Variants in AHCYL2 observed in about 807,000 individuals in gnomAD.
AHCYL2 encodes the protein S-adenosylhomocysteine hydrolase-like protein 2.
Under a neutral mutation model 81.4 loss-of-function variants are expected in AHCYL2, and 28 were observed. The ratio of observed to expected loss-of-function variants is 0.34; its 90% CI spans 0.25 to 0.47. AHCYL2 has a LOEUF of 0.47. AHCYL2 is among the 20% of genes least tolerant of loss of function. The pLI is 1.00. For missense variants in AHCYL2, 551 were observed against 785.1 expected (o/e 0.70, Z 3.56); for synonymous variants, 272 against 290.2 (o/e 0.94, Z 0.64).
At position 129,341,764 on chromosome 7, in the gene AHCYL2, G is replaced by A. The variant is rs1216300454; in HGVS notation, c.364-37874G>A. On this transcript the variant is annotated intron_variant, in intron 1 of 16. Transcript: ENST00000325006. Reference sequence around the variant, plus strand: ...TTCTTGTCGAATGCCTGTGAATTTCGAGGGTGGGAATAACACACTCATGGT... The same window carrying A: ...TTCTTGTCGAATGCCTGTGAATTTCAAGGGTGGGAATAACACACTCATGGT... 3.9e-5 allele frequency among the ~76,000 whole-genome samples: 6 copies of A among 152,242 alleles called. 1 individual carries two copies. Among genetic ancestry groups the A allele is most frequent in the Middle Eastern group, 6.8e-3 (2 of 294 alleles).
chr7:129,331,042 A>C (rs1798400347), intron 1 of AHCYL2, among the ~76,000 whole-genome samples: 2 of 152,238 alleles, frequency 1.3e-5, no homozygotes, highest in African/African-American at 4.8e-5. Context: ...TACATTATTT[A>C]CATAAAAATT....
intron 1 of AHCYL2, among the ~76,000 whole-genome samples, chr7:129,289,607 C>T (rs1796763754): frequency 6.6e-6 from 1 of 152,022 alleles, no homozygotes; most frequent in Admixed American, 6.6e-5. Context: ...TGTTCTTTCC[C>T]CTTGTTTACC....
At chr7:129,240,991 A>C (rs1415460835) in intron 1 of AHCYL2, among the ~76,000 whole-genome samples, 1 of 152,158 alleles carries the variant, frequency 6.6e-6, no homozygotes, top group African/African-American at 2.4e-5. Context: ...AAATTAAATG[A>C]TTTTTAAGCT....
Position 129,400,368 on chromosome 7 carries a change from G to A in AHCYL2, c.902G>A (p.Gly301Asp), listed in dbSNP as rs746810785. Residue 301 changes from glycine to aspartate, a missense_variant, in exon 6 of 17, where the codon GGC (glycine) becomes GAC (aspartate). Physicochemically the swap from Gly to Asp is moderately conservative, Grantham distance 94 (BLOSUM62 -1). Coordinates refer to ENST00000325006, the MANE Select transcript of AHCYL2 (RefSeq NM_015328.4). ...WCIDRCVNVEGWQPNMILDDG... is the reference protein window; with the variant it reads ...WCIDRCVNVEDWQPNMILDDG... ...ATCGATAGATGTGTGAATGTGGAGG[G>A]CTGGCAGCCAAACATGGTGGGTCAG... 1.9e-6 allele frequency: 3 copies of A among 1,612,928 alleles called. No individual in the cohort carries two copies. Among genetic ancestry groups the A allele is most frequent in the East Asian group, 2.2e-5 (1 of 44,864 alleles).
intron 1 of AHCYL2, among the ~76,000 whole-genome samples, chr7:129,362,266 T>C (rs1793955538): frequency 6.6e-6 from 1 of 152,184 alleles, no homozygotes; most frequent in African/African-American, 2.4e-5. Flanking sequence ...TATTCAACTT[T>C]AAAAGCCTAT....
intron 1 of AHCYL2, among the ~76,000 whole-genome samples, chr7:129,281,386 TTTC>T (rs1796438372): frequency 6.6e-6 from 1 of 152,124 alleles, no homozygotes; most frequent in Non-Finnish European, 1.5e-5. Flanking sequence ...GTAGGAAATG[TTTC>T]TTCTTTTCAG....
chr7:129,421,659 A>G (rs1797124141), intron 12 of AHCYL2, among the ~76,000 whole-genome samples: 1 of 152,250 alleles, frequency 6.6e-6, no homozygotes, highest in South Asian at 2.1e-4. Flanking sequence ...AACGGTCCAC[A>G]CCATTAATAT....
intron 1 of AHCYL2, among the ~76,000 whole-genome samples, chr7:129,371,574 C>T (rs1165530040): frequency 6.6e-6 from 1 of 152,242 alleles, no homozygotes; most frequent in African/African-American, 2.4e-5. Flanking sequence ...GACAGCTTTA[C>T]TGCTGAAAGG....
chr7:129,348,950 CCTAAGCTGTTTTG>C (rs1793455724), intron 1 of AHCYL2, among the ~76,000 whole-genome samples: 2 of 152,178 alleles, frequency 1.3e-5, no homozygotes, highest in Admixed American at 6.5e-5. Context: ...AACACACTAA[CCTAAGCTGTTTTG>C]CTATTTTATG....
At chr7:129,377,720 A>C (rs924904012) in intron 1 of AHCYL2, 10 of 410,344 alleles carry the variant, frequency 2.4e-5, no homozygotes, top group African/African-American at 1.9e-4. Flanking sequence ...GAGAAAACAA[A>C]AAAGTTATTA....
rs1796554178 is a variant in AHCYL2, at chr7:129,411,136, A to G, written c.1366+1590A>G. Among the ~76,000 whole-genome samples, 6 of 151,768 alleles carry G rather than the reference A, an allele frequency of 4.0e-5. No individual in the cohort carries two copies. In the South Asian group the frequency reaches 1.2e-3, roughly 32 times the overall value. ...TTCACTGCACATTTCACACATTTAA[A>G]TTGTTCACTGTTTTTTAGTAATTCA... On this transcript the variant is annotated intron_variant, in intron 11 of 16. Coordinates refer to ENST00000325006, the MANE Select transcript of AHCYL2 (RefSeq NM_015328.4).
At chr7:129,354,349 G>GT (rs925678767) in intron 1 of AHCYL2, among the ~76,000 whole-genome samples, 1 of 152,170 alleles carries the variant, frequency 6.6e-6, no homozygotes, top group Non-Finnish European at 1.5e-5. Context: ...AATGATTTTA[G>GT]TTTTTTCTGT....
chr7:129,360,698 G>C (rs1793903059), intron 1 of AHCYL2, among the ~76,000 whole-genome samples: 1 of 152,064 alleles, frequency 6.6e-6, no homozygotes, highest in African/African-American at 2.4e-5. Context: ...TATAAATTTT[G>C]AAAGACGTGT....
intron 4 of AHCYL2, among the ~76,000 whole-genome samples, chr7:129,395,430 T>C (rs529644789): frequency 3.1e-4 from 47 of 152,314 alleles, no homozygotes; most frequent in African/African-American, 9.9e-4. Flanking sequence ...AGCCAAACTT[T>C]GCCTTGAATC....
At chr7:129,240,156 G>A (rs1427074982) in intron 1 of AHCYL2, among the ~76,000 whole-genome samples, 2 of 151,798 alleles carry the variant, frequency 1.3e-5, no homozygotes, top group Non-Finnish European at 2.9e-5. Flanking sequence ...TGGAGGTTGC[G>A]GTGAGCCGAG....
intron 1 of AHCYL2, among the ~76,000 whole-genome samples, chr7:129,297,222 A>T (rs999531354): frequency 2.6e-5 from 4 of 152,128 alleles, no homozygotes; most frequent in Non-Finnish European, 4.4e-5. Flanking sequence ...CCAATTACAA[A>T]TTTTTTGTAG....
rs142329746 is a variant in AHCYL2, at chr7:129,312,333, G to T, written c.364-67305G>T. Among the ~76,000 whole-genome samples, 1,154 of 152,292 alleles carry T rather than the reference G, an allele frequency of 7.6e-3. 15 individuals carry two copies. Among genetic ancestry groups the T allele is most frequent in the African/African-American group, 0.026 (1,076 of 41,562 alleles). On this transcript the variant is annotated intron_variant, in intron 1 of 16. Transcript: ENST00000325006. ...ACTACTGGATTCAAGTGATCCTCCT[G>T]CTTCAGCCTCCCAAAGTGCTGGGAT...
intron 1 of AHCYL2, among the ~76,000 whole-genome samples, chr7:129,250,045 C>T (rs778551523): frequency 4.6e-5 from 7 of 152,068 alleles, no homozygotes; most frequent in Non-Finnish European, 7.3e-5. Context: ...GTGGCCCACA[C>T]CACTCCCAAC....
At chr7:129,375,362 C>T (rs750077855) in intron 1 of AHCYL2, among the ~76,000 whole-genome samples, 42 of 151,978 alleles carry the variant, frequency 2.8e-4, no homozygotes, top group Non-Finnish European at 4.4e-4. Flanking sequence ...AATGAAGTCT[C>T]TCATTGTTTA....
Sources: gnomAD v4.1 joint callset for allele counts (sites outside exome capture counted in the v4.1 genomes callset) on GRCh38, gnomAD v4.1.1 for gene constraint, MANE v1.5 for transcripts, NCBI Gene and HGNC (gene_info 2026-07-23, HGNC 2026-07-21) for gene names.